ZNF44: variants seen among roughly 807,000 people sequenced by gnomAD.
ZNF44 encodes the protein zinc finger protein 44.
A neutral mutation model predicts 11.7 loss-of-function variants in ZNF44; 9 were observed. The ratio of observed to expected loss-of-function variants is 0.77; its 90% confidence interval spans 0.46 to 1.35. ZNF44 has a LOEUF of 1.35. ZNF44 is among the 40% of genes most tolerant of loss of function. The probability of loss-of-function intolerance (pLI) is 0.00; values close to 1 mark genes in which losing one functional copy is unlikely to be tolerated. For missense variants in ZNF44, 696 were observed against 743.1 expected (o/e 0.94, Z 0.74); for synonymous variants, 224 against 242.7 (o/e 0.92, Z 0.72).
downstream of ZNF44, among the ~76,000 whole-genome samples, chr19:12,246,880 A>G (rs1426948204): frequency 1.3e-5 from 2 of 151,120 alleles, no homozygotes; most frequent in Non-Finnish European, 3.0e-5. Context: ...TAAAACAAAA[A>G]AACTGGCCCA....
intron 1 of ZNF44, among the ~76,000 whole-genome samples, chr19:12,293,947 C>T (rs1161724078): frequency 6.6e-6 from 1 of 151,588 alleles, no homozygotes; most frequent in Non-Finnish European, 1.5e-5. Flanking sequence ...AGGCTGGAGG[C>T]GAGATTGCAG....
exon 2 of ZNF44, chr19:12,234,813 AGAG>A (rs1250507965): frequency 6.6e-6 from 1 of 152,472 alleles, no homozygotes; most frequent in African/African-American, 2.4e-5. Context: ...AGATATGTGT[AGAG>A]GAGGACAGGT....
At chr19:12,248,049 GTTCT>G in exon 8 of ZNF44, 1 of 1,335,318 alleles carries the variant, frequency 7.5e-7, no homozygotes, top group South Asian at 1.2e-5. Flanking sequence ...TCCAGTGTGA[GTTCT>G]TTCATGTGCT....
chr19:12,272,823 A>G lies in ZNF44; in HGVS notation c.1432T>C (p.Cys478Arg), dbSNP rs765366950. 4 of 1,614,008 alleles carry G rather than the reference A, an allele frequency of 2.5e-6. No homozygotes were observed. The South Asian group carries it at 4.4e-5, about 18-fold the overall frequency. The change falls in exon 4 of 4, where the codon TGT becomes CGT. Residue 478 changes from cysteine to arginine, a missense_variant. Coordinates refer to ENST00000355684, the MANE Select transcript of ZNF44 (RefSeq NM_016264.4). ...TTHSEEEPYE[C>R]KECGKAFSSF... ...CTAAATGCTTTCCCACACTCCTTACATTCATAAGGCTCCTCTTCACTGTGT... is the reference window on the plus strand; with the variant it reads ...CTAAATGCTTTCCCACACTCCTTACGTTCATAAGGCTCCTCTTCACTGTGT...
intron 1 of ZNF44, among the ~76,000 whole-genome samples, chr19:12,292,910 C>A (rs1291186618): frequency 7.6e-6 from 1 of 132,284 alleles, no homozygotes. Flanking sequence ...GTCGCCCAGG[C>A]TGGAGTGCAA....
chr19:12,245,113 A>T (rs1916735790), downstream of ZNF44, among the ~76,000 whole-genome samples: 1 of 152,222 alleles, frequency 6.6e-6, no homozygotes, highest in Admixed American at 6.5e-5. Flanking sequence ...TAAGAATTTT[A>T]AAAAATTTTT....
chr19:12,289,448 T>C (rs1388229007), intron 1 of ZNF44, among the ~76,000 whole-genome samples: 1 of 152,084 alleles, frequency 6.6e-6, no homozygotes, highest in African/African-American at 2.4e-5. Flanking sequence ...TGAACAGGCT[T>C]GAGTCAGGGT....
intron 5 of ZNF44, among the ~76,000 whole-genome samples, chr19:12,263,371 C>A (rs1048545693): frequency 2.6e-5 from 4 of 152,060 alleles, no homozygotes; most frequent in African/African-American, 9.7e-5. Flanking sequence ...CAGGCATGAG[C>A]CACCATGCCT....
In ZNF44 at chr19:12,294,793, G is replaced by A. The variant is rs893619527; in HGVS notation, c.-99C>T. On this transcript the variant is annotated 5_prime_UTR_variant, in exon 1 of 4. Transcript: ENST00000355684. ...CACAGATGTCCCAGGGCGTCTCTCA[G>A]TGACAGAATACGGAACAGAGGTCAC... is the stretch of plus-strand genomic sequence containing the variant. 3 of 1,430,394 alleles carry A rather than the reference G, an allele frequency of 2.1e-6. No individual in the cohort carries two copies. The African/African-American group carries it at 4.5e-5, about 21-fold the overall frequency. The allele number at this position is 1,430,394 out of a possible 1,614,324, so 88.6% of individuals were successfully genotyped here. A position where few individuals can be genotyped will look rare whatever the true frequency, so the allele number is the denominator to read the frequency against.
At chr19:12,252,829 G>T (rs935977451) in intron 5 of ZNF44, among the ~76,000 whole-genome samples, 6 of 146,648 alleles carry the variant, frequency 4.1e-5, no homozygotes, top group Non-Finnish European at 7.5e-5. Flanking sequence ...AAATTAAAAA[G>T]TATGTAATCT....
At chr19:12,292,614 A>G (rs1968054875) in intron 1 of ZNF44, among the ~76,000 whole-genome samples, 2 of 152,132 alleles carry the variant, frequency 1.3e-5, no homozygotes, top group Non-Finnish European at 2.9e-5. Context: ...TGAAGTGCTC[A>G]GCAACCACAT....
chr19:12,281,824 C>G (rs1036797399), intron 1 of ZNF44, among the ~76,000 whole-genome samples: 1 of 152,124 alleles, frequency 6.6e-6, no homozygotes, highest in East Asian at 1.9e-4. Context: ...TCTACCAAAA[C>G]TCACAAAAAG....
chr19:12,285,050 C>T, intron 1 of ZNF44: 1 of 689,568 alleles, frequency 1.5e-6, no homozygotes, highest in South Asian at 1.6e-5. Flanking sequence ...AGACCTACAG[C>T]TACCTAACCC....
At chr19:12,237,780 C>CG (rs1282923003), upstream of ZNF44, 5 of 151,144 alleles carry the variant, frequency 3.3e-5, no homozygotes, top group African/African-American at 1.2e-4. Context: ...CCCACCCCCC[C>CG]GCCCAGGCCA....
intron 2 of ZNF44, among the ~76,000 whole-genome samples, chr19:12,275,716 A>C (rs1351438365): frequency 6.6e-6 from 1 of 152,192 alleles, no homozygotes; most frequent in Non-Finnish European, 1.5e-5. Flanking sequence ...AATACATATG[A>C]CATATATGTG....
At chr19:12,281,233 T>G (rs572004998) in intron 1 of ZNF44, among the ~76,000 whole-genome samples, 120 of 152,294 alleles carry the variant, frequency 7.9e-4, no homozygotes, top group Non-Finnish European at 1.6e-3. Flanking sequence ...TTTTAAAGTA[T>G]GCGATCAAAT....
At chr19:12,250,445 T>C (rs1469990591) in intron 5 of ZNF44, 1 of 1,179,042 alleles carries the variant, frequency 8.5e-7, no homozygotes, top group Non-Finnish European at 1.1e-6. Context: ...AGTCATAAGA[T>C]GTTCACGATG....
Position 12,273,062 on chromosome 19 carries a change from C to T in ZNF44, c.1193G>A (p.Cys398Tyr). 1.2e-6 allele frequency: 2 copies of T among 1,613,974 alleles called. No individual in the cohort carries two copies. Among genetic ancestry groups the T allele is most frequent in the African/African-American group, 2.7e-5 (2 of 74,996 alleles). The change falls in exon 4 of 4, where the codon TGT becomes TAT. Residue 398 changes from cysteine (C) to tyrosine (Y), a missense_variant. By Grantham distance (194) the Cys-to-Tyr change is radical. Transcript: ENST00000355684. ...ACTAGGAGAATCAAAGGCTTTCCCA[C>T]ATACTGTGCATTTATGAGGGCCATC... is the stretch of plus-strand genomic sequence containing the variant. ...TGDGPHKCTV[C>Y]GKAFDSPSVF...
At chr19:12,289,604 C>A (rs1967914698) in intron 1 of ZNF44, among the ~76,000 whole-genome samples, 1 of 149,156 alleles carries the variant, frequency 6.7e-6, no homozygotes, top group Non-Finnish European at 1.5e-5. Flanking sequence ...ACTTAGTGCT[C>A]TTCTCCCTTA....
Sources: gnomAD v4.1 joint callset for allele counts (sites outside exome capture counted in the v4.1 genomes callset) on GRCh38, gnomAD v4.1.1 for gene constraint, MANE v1.5 for transcripts, NCBI Gene and HGNC (gene_info 2026-07-23, HGNC 2026-07-21) for gene names.